The following RNF150 variants were observed in gnomAD, a reference collection of about 807,000 sequenced individuals.
RNF150 encodes the protein ring finger protein 150.
Under a neutral mutation model 39.3 loss-of-function variants are expected in RNF150, and 24 were observed. The ratio of observed to expected loss-of-function variants is 0.61; its 90% confidence interval spans 0.44 to 0.86. The LOEUF is 0.86. Ranked by LOEUF, RNF150 falls within the 40% of genes least tolerant of loss-of-function variation. The probability of loss-of-function intolerance (pLI) is 0.00; values close to 1 mark genes in which losing one functional copy is unlikely to be tolerated. For synonymous variants in RNF150, 255 were observed against 227.3 expected, an observed-to-expected ratio of 1.12 and a Z score of -1.10; for missense variants, 502 against 587.8, an observed-to-expected ratio of 0.85 and a Z score of 1.51.
chr4:141,010,719 C>T (rs554971368), intron 1 of RNF150, among the ~76,000 whole-genome samples: 85 of 152,212 alleles, frequency 5.6e-4, no homozygotes, highest in African/African-American at 1.6e-3. Context: ...CCACACCCGC[C>T]GCTAACAGCA....
At position 141,016,433 on chromosome 4, in the gene RNF150, G is replaced by C. The variant is rs1735275588; in HGVS notation, c.485-48560C>G. 2.0e-5 allele frequency among the ~76,000 whole-genome samples: 3 copies of C among 148,264 alleles called. No individual in the cohort carries two copies. The Admixed American group carries it at 2.1e-4, about 10-fold the overall frequency. ...GAATCACCCATCTTTTAATTAGCATGTCATTAAAAGCAGGTATAAATATGA... is the reference window on the plus strand; with the variant it reads ...GAATCACCCATCTTTTAATTAGCATCTCATTAAAAGCAGGTATAAATATGA... On this transcript the variant is annotated intron_variant, in intron 1 of 6. Coordinates refer to ENST00000515673, the MANE Select transcript of RNF150 (RefSeq NM_020724.2).
chr4:141,028,623 AT>A (rs1735811426), intron 1 of RNF150, among the ~76,000 whole-genome samples: 1 of 152,198 alleles, frequency 6.6e-6, no homozygotes, highest in African/African-American at 2.4e-5. Context: ...GTTCTTTAAT[AT>A]TCTTCTTTAA....
At chr4:140,955,586 A>C (rs1732717574) in intron 2 of RNF150, among the ~76,000 whole-genome samples, 1 of 152,178 alleles carries the variant, frequency 6.6e-6, no homozygotes, top group African/African-American at 2.4e-5. Flanking sequence ...AGACCTGAAT[A>C]ATCTAAAAAA....
At chr4:140,976,880 T>C (rs1348086261) in intron 1 of RNF150, among the ~76,000 whole-genome samples, 1 of 152,118 alleles carries the variant, frequency 6.6e-6, no homozygotes, top group African/African-American at 2.4e-5. Context: ...TTGAAATTTA[T>C]GATCACTATC....
In RNF150 at chr4:140,963,152, AG is replaced by A. The variant is rs1346799271; in HGVS notation, c.735+4470del. 4.6e-5 allele frequency among the ~76,000 whole-genome samples: 7 copies of A among 152,170 alleles called. No homozygotes were observed. In the South Asian group the frequency reaches 1.0e-3, roughly 22 times the overall value. ...TACTAAAATAGCATGTATCATTTTG[AG>A]AATCAGATATAAGCAATAAAAATGT... On this transcript the variant is annotated intron_variant, in intron 2 of 6. Coordinates refer to ENST00000515673, the MANE Select transcript of RNF150 (RefSeq NM_020724.2).
chr4:141,206,859 G>A (rs2111225161), intron 1 of RNF150, among the ~76,000 whole-genome samples: 1 of 152,200 alleles, frequency 6.6e-6, no homozygotes. Flanking sequence ...TCAAAACCAA[G>A]GAAGCCAGTA....
intron 1 of RNF150, among the ~76,000 whole-genome samples, chr4:141,025,924 A>G (rs1735678327): frequency 6.6e-6 from 1 of 152,188 alleles, no homozygotes; most frequent in Non-Finnish European, 1.5e-5. Flanking sequence ...GGGCCTTTCA[A>G]CAATGATTAG....
At chr4:141,185,514 G>T (rs1727989483) in intron 1 of RNF150, among the ~76,000 whole-genome samples, 1 of 151,986 alleles carries the variant, frequency 6.6e-6, no homozygotes, top group Admixed American at 6.6e-5. Context: ...ATTTGAATAT[G>T]CTTTATTTTT....
chr4:140,912,783 C>T (rs938480158), intron 5 of RNF150, among the ~76,000 whole-genome samples: 16 of 152,276 alleles, frequency 1.1e-4, no homozygotes, highest in African/African-American at 3.9e-4. Context: ...CACTGAAACT[C>T]AATCTGTCAA....
At chr4:141,082,809 C>CG (rs1406647078) in intron 1 of RNF150, among the ~76,000 whole-genome samples, 2 of 151,936 alleles carry the variant, frequency 1.3e-5, no homozygotes. Flanking sequence ...GGGATGGTCT[C>CG]GATCTCCTGA....
intron 1 of RNF150, chr4:141,053,816 C>T (rs779439474): frequency 1.6e-6 from 1 of 624,986 alleles, no homozygotes; most frequent in Non-Finnish European, 2.4e-6. Context: ...CTTCAAAATG[C>T]TCTCTCTCTT....
At chr4:140,919,611 C>A (rs1172785872) in intron 5 of RNF150, among the ~76,000 whole-genome samples, 11 of 149,968 alleles carry the variant, frequency 7.3e-5, no homozygotes, top group Admixed American at 1.3e-4. Flanking sequence ...GCCATACTGC[C>A]CAAGGTAATT....
At chr4:141,086,267 C>T (rs1408383275) in intron 1 of RNF150, among the ~76,000 whole-genome samples, 1 of 152,136 alleles carries the variant, frequency 6.6e-6, no homozygotes, top group Non-Finnish European at 1.5e-5. Context: ...TGAAGGTGTG[C>T]TAACATCTCC....
intron 4 of RNF150, among the ~76,000 whole-genome samples, chr4:140,937,204 G>A (rs1192404916): frequency 6.6e-6 from 1 of 152,172 alleles, no homozygotes; most frequent in Non-Finnish European, 1.5e-5. Flanking sequence ...TTGGAGGGTA[G>A]TTAAATAAAC....
chr4:141,137,729 T>C (rs1727049279), upstream of RNF150, among the ~76,000 whole-genome samples: 2 of 152,174 alleles, frequency 1.3e-5, no homozygotes, highest in Non-Finnish European at 2.9e-5. Flanking sequence ...ATTTTTAAGT[T>C]ATCGACACAT....
rs1734584660 is a variant in RNF150, at chr4:141,000,044, GAA to G, written c.485-32173_485-32172del. Among the ~76,000 whole-genome samples the G allele has an allele frequency of 1.3e-4, 10 of 75,544 alleles. 1 individual carries two copies. The highest frequency in any genetic ancestry group is 3.8e-4 in the African/African-American group (9 of 23,786). The allele number at this position is 75,544 out of a possible 152,430, so 49.6% of individuals were successfully genotyped here. On this transcript the variant is annotated intron_variant, in intron 1 of 6. Coordinates refer to ENST00000515673, the MANE Select transcript of RNF150 (RefSeq NM_020724.2). ...AGAAGAAGAAGAAGAAGAAGAAGAA[GAA>G]GAAGAAGAAGAAGAAGAAGAAGAAG...
chr4:141,058,137 A>G, intron 1 of RNF150, among the ~76,000 whole-genome samples: 1 of 152,176 alleles, frequency 6.6e-6, no homozygotes, highest in East Asian at 1.9e-4. Context: ...AAATGACTAA[A>G]TATCTATTTT....
chr4:141,187,282 A>G (rs750974603), intron 1 of RNF150, among the ~76,000 whole-genome samples: 2 of 152,100 alleles, frequency 1.3e-5, no homozygotes, highest in Non-Finnish European at 2.9e-5. Flanking sequence ...TATATGGTCA[A>G]TTTTAGAATA....
chr4:141,159,021 C>G (rs541446762), intron 1 of RNF150, among the ~76,000 whole-genome samples: 19 of 152,258 alleles, frequency 1.2e-4, no homozygotes, highest in African/African-American at 4.6e-4. Context: ...TGTTTCTCAG[C>G]CAAGCCAATC....
Sources: allele counts gnomAD v4.1 joint callset (sites outside exome capture counted in the v4.1 genomes callset), GRCh38; gene constraint gnomAD v4.1.1; transcripts MANE v1.5; gene names NCBI Gene and HGNC (gene_info 2026-07-23, HGNC 2026-07-21).